Variants in TTN observed in about 807,000 individuals in gnomAD.
TTN encodes the protein connectin.
TTN carries 1,525 observed loss-of-function variants against 3,223.0 expected under a neutral mutation model. That is an observed-to-expected ratio of 0.47 (90% confidence interval 0.45 to 0.49). The LOEUF (loss-of-function observed/expected upper bound fraction) is 0.49. TTN is among the 20% of genes least tolerant of loss of function. The pLI is 0.00. For missense variants in TTN, 40,786 were observed against 43,424.0 expected (o/e 0.94, Z 5.40); for synonymous variants, 14,094 against 15,161.0 (o/e 0.93, Z 5.17).
chr2:178,617,614 A>C, intron 253 of TTN, 102 bp from the exon 254 acceptor site: 11 of 1,407,056 alleles, frequency 7.8e-6, no homozygotes, highest in Non-Finnish European at 1.1e-5. Context: ...AGGTTTATCA[A>C]ATTCACTAAG....
intron 242 of TTN, among the ~76,000 whole-genome samples, chr2:178,623,347 G>A (rs771917355): frequency 4.6e-5 from 7 of 151,854 alleles, no homozygotes; most frequent in Non-Finnish European, 1.0e-4. Flanking sequence ...AAAGCAATGT[G>A]TTTTGTATGG....
rs370295357 is a variant in TTN, at chr2:178,740,454, G to A, written c.12779C>T (p.Ala4260Val). The change falls in exon 48 of 363, where the codon GCG becomes GTG. Residue 4260 changes from alanine to valine, a missense_variant. By Grantham distance (64) the Ala-to-Val change is moderately conservative. Transcript: ENST00000589042. ...AGCTAAGCTCTGACTCAAGATGAGCGCACTTTGTGCCTCTTGCTTTTGAAG... is the reference window on the plus strand; with the variant it reads ...AGCTAAGCTCTGACTCAAGATGAGCACACTTTGTGCCTCTTGCTTTTGAAG... ...VTLQKQEAQS[A>V]LILSQSLAEG... The A allele has an allele frequency of 1.2e-5, 20 of 1,613,542 alleles. No individual in the cohort carries two copies. Among genetic ancestry groups the A allele is most frequent in the Middle Eastern group, 1.7e-4 (1 of 6,054 alleles).
At chr2:178,780,786 T>TA (rs1379144658) in intron 21 of TTN, among the ~76,000 whole-genome samples, 2 of 152,334 alleles carry the variant, frequency 1.3e-5, no homozygotes, top group African/African-American at 4.8e-5. Flanking sequence ...GCAGGGCACC[T>TA]ACTCTCCAGT....
intron 121 of TTN, among the ~76,000 whole-genome samples, chr2:178,690,967 G>A (rs1041503847): frequency 6.6e-6 from 1 of 152,070 alleles, no homozygotes; most frequent in Non-Finnish European, 1.5e-5. Context: ...GCTTTGTATG[G>A]GGAAATGTAG....
Position 178,572,007 on chromosome 2 carries a change from C to T in TTN, c.74125G>A (p.Ala24709Thr), listed in dbSNP as rs207462679. ...DPRQLSVPVI[A>T]KDLVIPPAFK... is the part of the protein sequence containing the mutation. ...GCTGGTGGAATGACAAGATCTTTGG[C>T]GATCACTGGCACACTCAGTTGTCTA... Residue 24709 changes from alanine to threonine, a missense_variant, in exon 326 of 363, where the codon GCC becomes ACC. Ala to Thr is a moderately conservative substitution (Grantham distance 58). Coordinates refer to ENST00000589042, the MANE Select transcript of TTN (RefSeq NM_001267550.2). 4.3e-6 allele frequency: 7 copies of T among 1,612,964 alleles called. No individual in the cohort carries two copies. Among genetic ancestry groups the T allele is most frequent in the African/African-American group, 2.7e-5 (2 of 74,834 alleles).
Position 178,706,758 on chromosome 2 carries a change from A to G in TTN, c.29135-19T>C. ...GTGGTTTCTAAGGAATAATGAAAAC[A>G]AGTGAATAAAAATTTAATTTTCTAA... is the stretch of plus-strand genomic sequence containing the variant. On this transcript the variant is annotated intron_variant, in intron 101 of 362. Transcript: ENST00000589042. The G allele has an allele frequency of 6.3e-7, 1 of 1,599,420 alleles. No homozygotes were observed. Among genetic ancestry groups the G allele is most frequent in the Non-Finnish European group, 8.5e-7 (1 of 1,173,716 alleles).
chr2:178,541,615 G>A, intron 349 of TTN, 31 bp from the exon 350 acceptor site: 1 of 1,557,162 alleles, frequency 6.4e-7, no homozygotes. Flanking sequence ...ACACGATATG[G>A]CAATATGAAT....
chr2:178,712,091 G>A lies in TTN; in HGVS notation c.27739C>T (p.Pro9247Ser), dbSNP rs1475796244. ...AAATGCATTTTGTAAGTCGTAGTGG[G>A]TCTCAATTTTGTATCTCCTTTATAC... is the stretch of plus-strand genomic sequence containing the variant. ...SWYKGDTKLRPTTTYKMHFRN... is the reference protein window; with the variant it reads ...SWYKGDTKLRSTTTYKMHFRN... The change falls in exon 96 of 363, where the codon CCC becomes TCC. Residue 9247 changes from proline (P) to serine (S), a missense_variant. Coordinates refer to ENST00000589042, the MANE Select transcript of TTN (RefSeq NM_001267550.2). 1 of 1,613,638 alleles carries A rather than the reference G, an allele frequency of 6.2e-7. No homozygotes were observed.
At position 178,607,467 on chromosome 2, in the gene TTN, T is replaced by C. The variant is rs1189355872; in HGVS notation, c.53221A>G (p.Arg17741Gly). 6.2e-7 allele frequency: 1 copy of C among 1,613,122 alleles called. No individual in the cohort carries two copies. The highest frequency in any genetic ancestry group is 8.5e-7 in the Non-Finnish European group (1 of 1,179,418). The change falls in exon 277 of 363, where the codon AGA (arginine) becomes GGA (glycine). Residue 17741 changes from arginine to glycine, a missense_variant. Transcript: ENST00000589042. ...IKDALRKDHG[R>G]YVITATNSCG... Reference sequence around the variant, plus strand: ...CTATTTGTAGCTGTAATCACATATCTGCCATGGTCTTTTCGCAGTGCATCC... The same window carrying C: ...CTATTTGTAGCTGTAATCACATATCCGCCATGGTCTTTTCGCAGTGCATCC...
Position 178,576,161 on chromosome 2 carries a change from A to G in TTN, c.69971T>C (p.Val23324Ala). ...FRISAINDAG[V>A]GEPAVIPDVE... The stretch of plus-strand genomic sequence containing the variant: ...ATCTGGAATCACCGCTGGCTCCCCA[A>G]CACCTGCATCGTTGATGGCACTGAT... The change falls in exon 326 of 363, where the codon GTT becomes GCT. Residue 23324 changes from valine to alanine, a missense_variant. By Grantham distance (64) the Val-to-Ala change is moderately conservative (BLOSUM62 0). Transcript: ENST00000589042. This position sits in a 1 kb window ranked among gnomAD's most constrained non-coding sequence, Gnocchi z 4.3. The G allele has an allele frequency of 1.2e-6, 2 of 1,613,110 alleles. No homozygotes were observed. Among genetic ancestry groups the G allele is most frequent in the Non-Finnish European group, 1.7e-6 (2 of 1,179,440 alleles).
rs1694404596 is a variant in TTN at position 178,541,294 on chromosome 2, TGGC to T, written c.97780_97782del (p.Ala32594del). On this transcript the variant is annotated inframe_deletion, in exon 350 of 363. Transcript: ENST00000589042. ...AAAATGTCCTTACCAATTGGATCCA[TGGC>T]AACGATGGGTTTGGAAGGACGACTT... 1 of 1,510,406 alleles carries T rather than the reference TGGC, an allele frequency of 6.6e-7. No individual in the cohort carries two copies. The highest frequency in any genetic ancestry group is 2.0e-5 in the Admixed American group (1 of 49,066). 93.6% of individuals were successfully genotyped at this position (1,510,406 alleles called of 1,614,324 possible).
chr2:178,541,608 C>G, intron 349 of TTN, 24 bp from the exon 350 acceptor site: 1 of 1,574,438 alleles, frequency 6.4e-7, no homozygotes, highest in South Asian at 1.2e-5. Flanking sequence ...GAGGTTAACA[C>G]GATATGGCAA....
At chr2:178,667,918 C>T (rs1485879463) in intron 159 of TTN, among the ~76,000 whole-genome samples, 197 bp from the exon 160 acceptor site, 1 of 152,018 alleles carries the variant, frequency 6.6e-6, no homozygotes, top group Non-Finnish European at 1.5e-5. Flanking sequence ...AAGCATTTCT[C>T]TATGATGATG....
Position 178,674,359 on chromosome 2 carries a change from C to G in TTN, c.34663G>C (p.Glu11555Gln). 1 of 1,597,014 alleles carries G rather than the reference C, an allele frequency of 6.3e-7. No homozygotes were observed. The highest frequency in any genetic ancestry group is 8.5e-7 in the Non-Finnish European group (1 of 1,169,794). ...EPISEEEIPE[E>Q]PPSIEEVEEV... ...TCAACTTCCTCTATGCTAGGTGGTT[C>G]TTCTGGGATTTCTTCTTCTGAAATA... Residue 11555 changes from glutamate (E) to glutamine (Q), a missense_variant, in exon 151 of 363, where the codon GAA becomes CAA. Coordinates refer to ENST00000589042, the MANE Select transcript of TTN (RefSeq NM_001267550.2).
chr2:178,542,932 G>A lies in TTN; in HGVS notation c.96922C>T (p.Leu32308Phe). ...QDLRVLPTID[L>F]STMPQKTIHV... Reference sequence around the variant, plus strand: ...ATGGTCTTCTGAGGCATTGTAGAAAGATCGATTGTTGGCAACACTATGGGA... The same window carrying A: ...ATGGTCTTCTGAGGCATTGTAGAAAAATCGATTGTTGGCAACACTATGGGA... Residue 32308 changes from leucine to phenylalanine, a missense_variant, in exon 348 of 363, where the codon CTT becomes TTT. By Grantham distance (22) the Leu-to-Phe change is conservative. Coordinates refer to ENST00000589042, the MANE Select transcript of TTN (RefSeq NM_001267550.2). The A allele has an allele frequency of 6.2e-7, 1 of 1,602,756 alleles. No homozygotes were observed. The highest frequency in any genetic ancestry group is 8.5e-7 in the Non-Finnish European group (1 of 1,172,116).
intron 47 of TTN, among the ~76,000 whole-genome samples, chr2:178,752,784 C>A (rs944612142): frequency 6.6e-6 from 1 of 151,960 alleles, no homozygotes; most frequent in African/African-American, 2.4e-5. Context: ...TGTAATTCAC[C>A]GTGATTTTGA....
At chr2:178,751,044 A>C in intron 47 of TTN, 1 of 1,612,628 alleles carries the variant, frequency 6.2e-7, no homozygotes, top group South Asian at 1.1e-5. Flanking sequence ...AGTTCCTCAG[A>C]TTCTATATTT....
chr2:178,735,697 C>T lies in TTN; in HGVS notation c.14749G>A (p.Val4917Ile). 1.2e-6 allele frequency: 2 copies of T among 1,613,786 alleles called. No homozygotes were observed. The highest frequency in any genetic ancestry group is 1.7e-6 in the Non-Finnish European group (2 of 1,179,806). ...LECQVDEDRK[V>I]TVTWSKDGQK... is the part of the protein sequence containing the mutation. ...CCATCTTTGCTCCACGTAACTGTGACTTTTCTGTCTTCATCTACTTGGCAC... is the reference window on the plus strand; with the variant it reads ...CCATCTTTGCTCCACGTAACTGTGATTTTTCTGTCTTCATCTACTTGGCAC... The change falls in exon 50 of 363, where the codon GTC becomes ATC. Residue 4917 changes from valine to isoleucine, a missense_variant. By Grantham distance (29) the Val-to-Ile change is conservative. Coordinates refer to ENST00000589042, the MANE Select transcript of TTN (RefSeq NM_001267550.2).
Position 178,766,501 on chromosome 2 carries a change from T to C in TTN, c.9583A>G (p.Lys3195Glu). Reference sequence around the variant, plus strand: ...TGGATTCTTCTTTCCACTACATATTTGTGTCGTTCTTGAACTTGGAAATTG... The same window carrying C: ...TGGATTCTTCTTTCCACTACATATTCGTGTCGTTCTTGAACTTGGAAATTG... ...EINFQVQERH[K>E]YVVERRIHRM... The change falls in exon 41 of 363, where the codon AAA becomes GAA. Residue 3195 changes from lysine (K) to glutamate (E), a missense_variant. Lys to Glu is a moderately conservative substitution (Grantham distance 56, BLOSUM62 1). Coordinates refer to ENST00000589042, the MANE Select transcript of TTN (RefSeq NM_001267550.2). 1 of 1,614,138 alleles carries C rather than the reference T, an allele frequency of 6.2e-7. No homozygotes were observed. Among genetic ancestry groups the C allele is most frequent in the Non-Finnish European group, 8.5e-7 (1 of 1,180,002 alleles).
Sources: allele counts gnomAD v4.1 joint callset (sites outside exome capture counted in the v4.1 genomes callset), GRCh38; gene constraint gnomAD v4.1.1; non-coding constraint Gnocchi (gnomAD v3.1); transcripts MANE v1.5; gene names NCBI Gene and HGNC (gene_info 2026-07-23, HGNC 2026-07-21).